PTPRD: variants seen among roughly 807,000 people sequenced by gnomAD.
PTPRD encodes protein tyrosine phosphatase receptor type D, also known as receptor-type tyrosine-protein phosphatase delta.
PTPRD carries 34 observed loss-of-function variants against 214.5 expected under a neutral mutation model. That is an observed-to-expected ratio of 0.16 (90% CI 0.12 to 0.21). PTPRD has a LOEUF of 0.21. PTPRD is among the 10% of genes least tolerant of loss of function. PTPRD has a pLI of 1.00. For missense variants in PTPRD, 2,545 were observed against 2,398.7 expected, an observed-to-expected ratio of 1.06 and a Z score of -1.27; for synonymous variants, 1,128 against 845.7, an observed-to-expected ratio of 1.33 and a Z score of -5.79.
Position 8,341,105 on chromosome 9 carries a change from A to C in PTPRD, c.5111T>G (p.Phe1704Cys), listed in dbSNP as rs141770150. 2 of 1,609,588 alleles carry C rather than the reference A, an allele frequency of 1.2e-6. No individual in the cohort carries two copies. Among genetic ancestry groups the C allele is most frequent in the African/African-American group, 2.7e-5 (2 of 74,630 alleles). ...VEGSDYINAS[F>C]IDGYRQQKAY... Reference sequence around the variant, plus strand: ...AAGTAGATACCTGTATCCATCAATAAAACTGGCATTGATGTAATCAGATCC... The same window carrying C: ...AAGTAGATACCTGTATCCATCAATACAACTGGCATTGATGTAATCAGATCC... The change falls in exon 41 of 46, where the codon TTT (phenylalanine) becomes TGT (cysteine). Residue 1704 changes from phenylalanine to cysteine, a missense_variant. Transcript: ENST00000381196.
chr9:9,727,100 A>G (rs1344169394), intron 7 of PTPRD, among the ~76,000 whole-genome samples: 1 of 152,186 alleles, frequency 6.6e-6, no homozygotes, highest in African/African-American at 2.4e-5. Flanking sequence ...ATTAACCACA[A>G]AACGTTCTTT....
At chr9:10,387,972 T>C (rs2097957835) in intron 2 of PTPRD, among the ~76,000 whole-genome samples, 1 of 151,476 alleles carries the variant, frequency 6.6e-6, no homozygotes, top group Admixed American at 6.6e-5. Context: ...TTTTGTCTTC[T>C]TTTTAGAGTT....
At chr9:9,498,425 T>G (rs2096278199) in intron 8 of PTPRD, among the ~76,000 whole-genome samples, 1 of 152,102 alleles carries the variant, frequency 6.6e-6, no homozygotes, top group South Asian at 2.1e-4. Context: ...GGACTTCACC[T>G]GGGGTTTCAT....
chr9:9,419,128 TACACACACAC>T (rs142908778), intron 8 of PTPRD, among the ~76,000 whole-genome samples: 14 of 139,986 alleles, frequency 1.0e-4, no homozygotes, highest in African/African-American at 2.9e-4. Context: ...AGGCCCCTTA[TACACACACAC>T]ACACACACAC....
intron 11 of PTPRD, among the ~76,000 whole-genome samples, chr9:8,975,968 T>A (rs2099265824): frequency 6.6e-6 from 1 of 152,060 alleles, no homozygotes; most frequent in African/African-American, 2.4e-5. Context: ...AAGTAATCCC[T>A]CATAGTTGTA....
intron 3 of PTPRD, among the ~76,000 whole-genome samples, chr9:10,126,572 A>T (rs1421035487): frequency 6.6e-6 from 1 of 152,050 alleles, no homozygotes; most frequent in African/African-American, 2.4e-5. Context: ...TAACTCAATA[A>T]CTAGTCTATA....
chr9:8,520,466 T>G (rs2097865109), intron 20 of PTPRD, among the ~76,000 whole-genome samples: 1 of 152,178 alleles, frequency 6.6e-6, no homozygotes, highest in Non-Finnish European at 1.5e-5. Flanking sequence ...GCTGCTGAAT[T>G]CCAAATGCCT....
intron 5 of PTPRD, among the ~76,000 whole-genome samples, chr9:9,846,236 T>C (rs1457538773): frequency 6.6e-6 from 1 of 152,082 alleles, no homozygotes; most frequent in Non-Finnish European, 1.5e-5. Flanking sequence ...CACCTGTGCA[T>C]AAAGCACTGC....
rs1169933815 is a variant in PTPRD, at chr9:9,941,504, G to C, written c.-471-2894C>G. Among the ~76,000 whole-genome samples, 4 of 152,124 alleles carry C rather than the reference G, an allele frequency of 2.6e-5. No individual in the cohort carries two copies. In the East Asian group the frequency reaches 7.7e-4, roughly 29 times the overall value. On this transcript the variant is annotated intron_variant, in intron 4 of 45. Transcript: ENST00000381196. ...CGCCTGGGTAATTTTTGTATTTTTAGTAGAGATGGAGTTTCGCCGTATTGG... is the reference window on the plus strand; with the variant it reads ...CGCCTGGGTAATTTTTGTATTTTTACTAGAGATGGAGTTTCGCCGTATTGG...
intron 21 of PTPRD, among the ~76,000 whole-genome samples, chr9:8,514,812 A>T (rs1300862229): frequency 6.6e-6 from 1 of 152,100 alleles, no homozygotes; most frequent in African/African-American, 2.4e-5. Flanking sequence ...TCAAACTGTA[A>T]TCCCCATGTG....
chr9:10,121,881 C>T (rs779307576), intron 3 of PTPRD, among the ~76,000 whole-genome samples: 13 of 152,152 alleles, frequency 8.5e-5, no homozygotes, highest in African/African-American at 3.1e-4. Flanking sequence ...CCCAAAGAAT[C>T]CCCACTCTGA....
intron 3 of PTPRD, among the ~76,000 whole-genome samples, chr9:10,212,064 C>G (rs966701175): frequency 5.3e-5 from 8 of 152,036 alleles, no homozygotes; most frequent in African/African-American, 1.9e-4. Context: ...AGAACAGTAA[C>G]CAGTGGAATG....
chr9:8,621,891 G>A (rs1288554601), intron 14 of PTPRD, among the ~76,000 whole-genome samples: 1 of 151,866 alleles, frequency 6.6e-6, no homozygotes, highest in African/African-American at 2.4e-5. Context: ...ATATAACAGT[G>A]TTCCTGTTTT....
In PTPRD at chr9:10,308,495, T is replaced by C. The variant is rs1344008304; in HGVS notation, c.-545+32468A>G. 2.6e-5 allele frequency among the ~76,000 whole-genome samples: 4 copies of C among 152,074 alleles called. 2 individuals carry two copies. Among genetic ancestry groups the C allele is most frequent in the African/African-American group, 9.7e-5 (4 of 41,402 alleles). ...TAGTATATTTTGAAGTTAAATAGTG[T>C]GATGTCGCCAGCTTTGTTCTTTGTG... On this transcript the variant is annotated intron_variant, in intron 3 of 45. Coordinates refer to ENST00000381196, the MANE Select transcript of PTPRD (RefSeq NM_002839.4).
intron 10 of PTPRD, among the ~76,000 whole-genome samples, chr9:9,042,609 TTTTTC>T (rs1418045774): frequency 2.4e-5 from 2 of 84,076 alleles, no homozygotes; most frequent in Non-Finnish European, 5.5e-5. Flanking sequence ...TTTTTTCTTT[TTTTTC>T]TTTTCTTTTT....
chr9:10,319,450 T>C (rs1425967259), intron 3 of PTPRD, among the ~76,000 whole-genome samples: 1 of 152,088 alleles, frequency 6.6e-6, no homozygotes. Context: ...GGGTGCTCTC[T>C]AGAACCTCAT....
intron 20 of PTPRD, 135 bp from the exon 21 acceptor site, chr9:8,518,564 G>A (rs934628154): frequency 6.2e-5 from 42 of 673,296 alleles, no homozygotes; most frequent in Non-Finnish European, 1.9e-5. Context: ...ATAGCAAAGA[G>A]TAGTTTTCTG....
At chr9:10,056,234 T>C (rs2097645268) in intron 3 of PTPRD, among the ~76,000 whole-genome samples, 3 of 151,770 alleles carry the variant, frequency 2.0e-5, no homozygotes, top group South Asian at 4.2e-4. Flanking sequence ...GGCAGGATAA[T>C]TGCTTAAACC....
intron 5 of PTPRD, among the ~76,000 whole-genome samples, chr9:9,771,802 A>G (rs890654670): frequency 1.2e-4 from 19 of 152,292 alleles, no homozygotes; most frequent in Non-Finnish European, 2.4e-4. Context: ...ATTAAATCCA[A>G]TGTCTTTGTA....
Sources: allele counts gnomAD v4.1 joint callset (sites outside exome capture counted in the v4.1 genomes callset), GRCh38; gene constraint gnomAD v4.1.1; transcripts MANE v1.5; gene names NCBI Gene and HGNC (gene_info 2026-07-23, HGNC 2026-07-21).